Variants in CEP112 observed in about 807,000 individuals in gnomAD.
CEP112 encodes the protein centrosomal protein 112.
CEP112 carries 127 observed loss-of-function variants against 153.0 expected under a neutral mutation model. The observed-to-expected ratio is 0.83, with a 90% CI of 0.72 to 0.96. The LOEUF is 0.96. CEP112 is among the 40% of genes least tolerant of loss of function. The probability of loss-of-function intolerance (pLI) is 0.00; values close to 1 mark genes in which losing one functional copy is unlikely to be tolerated. For missense variants in CEP112, 1,089 were observed against 1,101.2 expected (o/e 0.99, Z 0.16); for synonymous variants, 358 against 374.4 (o/e 0.96, Z 0.51).
chr17:66,003,554 A>C (rs1360535748), intron 17 of CEP112, among the ~76,000 whole-genome samples: 1 of 152,200 alleles, frequency 6.6e-6, no homozygotes, highest in Non-Finnish European at 1.5e-5. Context: ...CTGTCTTCTA[A>C]ACCTTTTATT....
chr17:66,054,440 G>A (rs901570869), intron 11 of CEP112, among the ~76,000 whole-genome samples: 9 of 152,160 alleles, frequency 5.9e-5, no homozygotes, highest in Admixed American at 5.2e-4. Context: ...AAGCAGAATT[G>A]TATACTACAT....
At chr17:65,839,854 C>A (rs1011589013) in intron 21 of CEP112, among the ~76,000 whole-genome samples, 19 of 151,936 alleles carry the variant, frequency 1.3e-4, no homozygotes, top group African/African-American at 4.6e-4. Flanking sequence ...ATGCAAAAAT[C>A]TGTAGCAATT....
intron 17 of CEP112, among the ~76,000 whole-genome samples, chr17:66,004,480 G>A (rs1419848412): frequency 1.3e-5 from 2 of 152,094 alleles, no homozygotes; most frequent in African/African-American, 2.4e-5. Flanking sequence ...GACAGAGTGA[G>A]ACCCCATCTC....
intron 8 of CEP112, among the ~76,000 whole-genome samples, chr17:66,082,786 T>C (rs917682065): frequency 2.0e-5 from 3 of 151,660 alleles, no homozygotes; most frequent in African/African-American, 4.8e-5. Context: ...AATTTTTATA[T>C]GTGTATCTGT....
intron 4 of CEP112, among the ~76,000 whole-genome samples, chr17:66,174,125 T>G (rs1367888747): frequency 6.6e-6 from 1 of 152,218 alleles, no homozygotes; most frequent in Admixed American, 6.5e-5. Flanking sequence ...AGGTGGGGTT[T>G]CACCATGTTA....
intron 16 of CEP112, among the ~76,000 whole-genome samples, chr17:66,021,904 T>C (rs546284695): frequency 1.3e-5 from 2 of 152,174 alleles, no homozygotes; most frequent in Non-Finnish European, 2.9e-5. Flanking sequence ...ATAAACTTTA[T>C]TCCTACAAGA....
chr17:65,993,255 T>A (rs2063662125), intron 17 of CEP112, among the ~76,000 whole-genome samples: 1 of 152,230 alleles, frequency 6.6e-6, no homozygotes, highest in Non-Finnish European at 1.5e-5. Context: ...TCCATGTCCT[T>A]GCAAATGACA....
intron 8 of CEP112, among the ~76,000 whole-genome samples, chr17:66,074,444 T>C (rs7210420): frequency 0.16 from 24,632 of 152,112 alleles, 2,753 homozygotes; most frequent in African/African-American, 0.31. Context: ...TGGCCAAAAA[T>C]TTCCCAAGTT....
At chr17:66,055,657 T>A (rs964664759) in intron 11 of CEP112, among the ~76,000 whole-genome samples, 3 of 152,170 alleles carry the variant, frequency 2.0e-5, no homozygotes, top group African/African-American at 7.2e-5. Flanking sequence ...TAATAGCCCA[T>A]CAAAACTTAG....
chr17:66,052,323 G>A lies in CEP112; in HGVS notation c.1218+1413C>T, dbSNP rs144104179. On this transcript the variant is annotated intron_variant, in intron 12 of 26. Coordinates refer to ENST00000535342, the MANE Select transcript of CEP112 (RefSeq NM_001199165.4). ...GTAAGTCAAACCATCGTTAAGTAGG[G>A]GACCATTTGTATCAGTAACAAGACT... Among the ~76,000 whole-genome samples, 16 of 152,270 alleles carry A rather than the reference G, an allele frequency of 1.1e-4. No individual in the cohort carries two copies. The East Asian group carries it at 2.9e-3, about 28-fold the overall frequency.
intron 20 of CEP112, among the ~76,000 whole-genome samples, chr17:65,876,608 G>A (rs973111169): frequency 3.9e-5 from 6 of 151,938 alleles, no homozygotes; most frequent in African/African-American, 9.7e-5. Flanking sequence ...TATACCCTTC[G>A]GCCCTGTAAC....
At chr17:66,188,286 A>AACAC (rs59802008) in intron 1 of CEP112, among the ~76,000 whole-genome samples, 7,165 of 109,316 alleles carry the variant, frequency 0.066, 224 homozygotes, top group African/African-American at 0.09. Flanking sequence ...CACACACACA[A>AACAC]ACACACACAC....
intron 12 of CEP112, among the ~76,000 whole-genome samples, chr17:66,044,230 T>C (rs2066105472): frequency 6.6e-6 from 1 of 151,916 alleles, no homozygotes; most frequent in Non-Finnish European, 1.5e-5. Flanking sequence ...ATTTAATAAA[T>C]AAAATATACC....
Position 65,888,195 on chromosome 17 carries a change from T to C in CEP112, c.2163+13957A>G, listed in dbSNP as rs552261968. 3.3e-5 allele frequency among the ~76,000 whole-genome samples: 5 copies of C among 152,332 alleles called. No individual in the cohort carries two copies. In the East Asian group the frequency reaches 9.7e-4, roughly 29 times the overall value. ...AATTAGAAATAATTTCACAATATGG[T>C]ACGTACAATAGCTATTTTCCTGCCC... On this transcript the variant is annotated intron_variant, in intron 20 of 26. Transcript: ENST00000535342.
chr17:66,009,780 C>CA (rs2064435008), intron 16 of CEP112, among the ~76,000 whole-genome samples: 1 of 152,096 alleles, frequency 6.6e-6, no homozygotes, highest in South Asian at 2.1e-4. Flanking sequence ...TGAAGGTACG[C>CA]AGCCTTATTT....
At position 66,028,356 on chromosome 17, in the gene CEP112, T is replaced by C; in HGVS notation, c.1553A>G (p.Gln518Arg). 1 of 1,601,724 alleles carries C rather than the reference T, an allele frequency of 6.2e-7. No individual in the cohort carries two copies. Among genetic ancestry groups the C allele is most frequent in the Non-Finnish European group, 8.5e-7 (1 of 1,173,030 alleles). Reference protein sequence around the residue: ...ELEQNVCQLKQQLQESELQRK... With the variant: ...ELEQNVCQLKRQLQESELQRK... ...TTGAAGTTCTGATTCCTGTAACTGCTGTTTTAATTGACAGACATTCTGCTC... is the reference window on the plus strand; with the variant it reads ...TTGAAGTTCTGATTCCTGTAACTGCCGTTTTAATTGACAGACATTCTGCTC... The change falls in exon 15 of 27, where the codon CAG becomes CGG. Residue 518 changes from glutamine to arginine, a missense_variant. By Grantham distance (43) the Gln-to-Arg change is conservative. Coordinates refer to ENST00000535342, the MANE Select transcript of CEP112 (RefSeq NM_001199165.4).
rs146361959 is a variant in CEP112, at chr17:65,714,614, T to C, written c.2608-25396A>G. Among the ~76,000 whole-genome samples the C allele has an allele frequency of 2.1e-3, 313 of 152,288 alleles. 2 individuals are homozygous for C. Among genetic ancestry groups the C allele is most frequent in the African/African-American group, 7.3e-3 (303 of 41,562 alleles). The stretch of plus-strand genomic sequence containing the variant: ...CATTAGCCACCTGCGTACCTAGCCA[T>C]ACTATCAGTTCTTTCATTTTCTCTC... On this transcript the variant is annotated intron_variant, in intron 23 of 26. Transcript: ENST00000535342.
intron 23 of CEP112, among the ~76,000 whole-genome samples, chr17:65,724,944 C>T (rs1324518210): frequency 6.6e-6 from 1 of 152,156 alleles, no homozygotes; most frequent in Admixed American, 6.5e-5. Context: ...TCCTCAGGTT[C>T]CTAAATGACT....
intron 23 of CEP112, among the ~76,000 whole-genome samples, chr17:65,714,420 A>G (rs2049377831): frequency 7.5e-6 from 1 of 133,260 alleles, no homozygotes; most frequent in South Asian, 2.4e-4. Context: ...ATGAATATCA[A>G]AGTTTTTTTT....
Sources: gnomAD v4.1 joint callset for allele counts (sites outside exome capture counted in the v4.1 genomes callset) on GRCh38, gnomAD v4.1.1 for gene constraint, MANE v1.5 for transcripts, NCBI Gene and HGNC (gene_info 2026-07-23, HGNC 2026-07-21) for gene names.